The following PTPRT variants were observed in gnomAD, a reference collection of about 807,000 sequenced individuals.
PTPRT encodes the protein receptor-type tyrosine-protein phosphatase T.
PTPRT carries 56 observed loss-of-function variants against 176.8 expected under a neutral mutation model. That is an observed-to-expected ratio of 0.32 (90% CI 0.26 to 0.40). The LOEUF is 0.40. Among genes scored for constraint, PTPRT ranks in the 10% least tolerant of loss-of-function variants. The probability of loss-of-function intolerance (pLI) is 1.00; values close to 1 mark genes in which losing one functional copy is unlikely to be tolerated. For missense variants in PTPRT, 1,540 were observed against 1,908.2 expected (o/e 0.81, Z 3.60); for synonymous variants, 783 against 739.0 (o/e 1.06, Z -0.96).
chr20:42,543,895 T>G (rs1300672279), intron 7 of PTPRT, among the ~76,000 whole-genome samples: 1 of 152,142 alleles, frequency 6.6e-6, no homozygotes, highest in Non-Finnish European at 1.5e-5. Context: ...AAATAAATCT[T>G]TTATTTCTGA....
the PTPRT span, among the ~76,000 whole-genome samples, chr20:42,064,376 C>G: frequency 6.6e-6 from 1 of 152,120 alleles, no homozygotes; most frequent in Non-Finnish European, 1.5e-5. Context: ...TGACTGTCTA[C>G]TGAATCTCTT....
At chr20:42,041,105 C>T in the PTPRT span, among the ~76,000 whole-genome samples, 1 of 152,124 alleles carries the variant, frequency 6.6e-6, no homozygotes, top group Non-Finnish European at 1.5e-5. Flanking sequence ...CTTTTTGTGA[C>T]CTCTGTTGAT....
At chr20:43,026,638 AATT>A (rs1332567906) in intron 1 of PTPRT, among the ~76,000 whole-genome samples, 1 of 152,158 alleles carries the variant, frequency 6.6e-6, no homozygotes, top group Non-Finnish European at 1.5e-5. Context: ...TATAAAATTA[AATT>A]ATTGGCTGTA....
In PTPRT at chr20:43,147,711, C is replaced by G. The variant is rs554411133; in HGVS notation, c.88+41935G>C. The stretch of plus-strand genomic sequence containing the variant: ...TCTGCATCATGTTTCTCTGTCTATT[C>G]CCAAGAGCATCCCTTCTTCATCATG... On this transcript the variant is annotated intron_variant, in intron 1 of 30. Transcript: ENST00000373187. Among the ~76,000 whole-genome samples the G allele has an allele frequency of 7.9e-5, 12 of 152,306 alleles. No individual in the cohort carries two copies. In the East Asian group the frequency reaches 2.3e-3, roughly 29 times the overall value.
chr20:42,430,372 C>T (rs185534341), intron 9 of PTPRT, among the ~76,000 whole-genome samples: 1 of 152,306 alleles, frequency 6.6e-6, no homozygotes, highest in Non-Finnish European at 1.5e-5. Flanking sequence ...TGCACAGTGA[C>T]AACCTGGGGA....
chr20:42,922,256 TC>T (rs1979195866), intron 1 of PTPRT, among the ~76,000 whole-genome samples: 1 of 152,130 alleles, frequency 6.6e-6, no homozygotes, highest in Non-Finnish European at 1.5e-5. Flanking sequence ...TTTCTCAGCC[TC>T]CATGCTGGAC....
At position 42,565,088 on chromosome 20, in the gene PTPRT, G is replaced by A. The variant is rs62203781; in HGVS notation, c.1154-92526C>T. Among the ~76,000 whole-genome samples, 1,176 of 152,162 alleles carry A rather than the reference G, an allele frequency of 7.7e-3. 9 individuals carry two copies. The highest frequency in any genetic ancestry group is 0.014 in the Middle Eastern group (4 of 294). ...GGTGTTCTGGCGCCCCGGGTCCTTC[G>A]TGTTAGAGCTGGGACATGAAGACAG... On this transcript the variant is annotated intron_variant, in intron 7 of 30. Coordinates refer to ENST00000373187, the MANE Select transcript of PTPRT (RefSeq NM_007050.6).
chr20:42,299,644 T>TTTTTC (rs2057431494), intron 12 of PTPRT, among the ~76,000 whole-genome samples: 1 of 132,072 alleles, frequency 7.6e-6, no homozygotes, highest in East Asian at 2.1e-4. Flanking sequence ...CTTTTGCCTT[T>TTTTTC]TTTTTTTTTT....
intron 1 of PTPRT, among the ~76,000 whole-genome samples, chr20:43,075,829 CAGTT>C (rs1259956018): frequency 1.2e-4 from 18 of 152,188 alleles, no homozygotes; most frequent in South Asian, 2.1e-4. Flanking sequence ...GGTGTGCACA[CAGTT>C]AGAATTTCTA....
chr20:42,620,360 C>A (rs573673625), intron 7 of PTPRT, among the ~76,000 whole-genome samples: 4 of 148,998 alleles, frequency 2.7e-5, no homozygotes, highest in South Asian at 4.2e-4. Flanking sequence ...CAGACAGGGA[C>A]ACTTAAGTCT....
At chr20:42,995,077 C>A (rs533541262) in intron 1 of PTPRT, among the ~76,000 whole-genome samples, 2 of 152,186 alleles carry the variant, frequency 1.3e-5, no homozygotes, top group Non-Finnish European at 2.9e-5. Context: ...TGAGGCCTAC[C>A]AGGACATGAC....
Position 42,472,411 on chromosome 20 carries a change from G to A in PTPRT, c.1305C>T (p.Tyr435=), listed in dbSNP as rs41279252. 15,304 of 1,614,202 alleles carry A rather than the reference G, an allele frequency of 9.5e-3. 107 individuals are homozygous for A. Among genetic ancestry groups the A allele is most frequent in the Middle Eastern group, 0.018 (108 of 6,060 alleles). The change falls in exon 8 of 31, where the codon TAC becomes TAT. Residue 435 remains tyrosine (Y), a synonymous_variant. Transcript: ENST00000373187. ...AGGTCTGGATGACCTCCTCGGCCTC[G>A]TACTGCTGCTGGTTGAACACATACT... ...QYQYVFNQQQ[Y]EAEEVIQTSS... is the part of the protein sequence containing the mutation.
At chr20:42,649,223 A>G (rs2074983167) in intron 7 of PTPRT, among the ~76,000 whole-genome samples, 1 of 152,134 alleles carries the variant, frequency 6.6e-6, no homozygotes, top group Non-Finnish European at 1.5e-5. Flanking sequence ...GGATGGCGAC[A>G]GGCAAAGAGG....
intron 9 of PTPRT, among the ~76,000 whole-genome samples, chr20:42,435,974 T>G (rs2059258796): frequency 6.6e-6 from 1 of 152,208 alleles, no homozygotes. Flanking sequence ...AATTTTGGCA[T>G]AAGTCAGATA....
intron 2 of PTPRT, among the ~76,000 whole-genome samples, chr20:42,835,871 T>C (rs537976140): frequency 5.3e-4 from 81 of 152,210 alleles, no homozygotes; most frequent in African/African-American, 1.8e-3. Flanking sequence ...AGGCAAAGCA[T>C]AATAGATATC....
intron 18 of PTPRT, among the ~76,000 whole-genome samples, chr20:42,132,199 A>G (rs183211439): frequency 1.3e-5 from 2 of 152,356 alleles, no homozygotes; most frequent in Admixed American, 1.3e-4. Flanking sequence ...AACTTTTAAT[A>G]TAAGACGTGA....
chr20:43,028,483 G>A (rs2146192228), intron 1 of PTPRT, among the ~76,000 whole-genome samples: 1 of 152,188 alleles, frequency 6.6e-6, no homozygotes, highest in Admixed American at 6.5e-5. Context: ...CCTTACCCCT[G>A]GTTTATCCTC....
At position 42,474,303 on chromosome 20, in the gene PTPRT, A is replaced by G. The variant is rs62204907; in HGVS notation, c.1154-1741T>C. On this transcript the variant is annotated intron_variant, in intron 7 of 30. Coordinates refer to ENST00000373187, the MANE Select transcript of PTPRT (RefSeq NM_007050.6). ...CCAATGCAGCAATAAGAAAGAGGGG[A>G]TGCTATTGGTGCTAGTTGATCTGTC... is the stretch of plus-strand genomic sequence containing the variant. Among the ~76,000 whole-genome samples, 1,211 of 152,222 alleles carry G rather than the reference A, an allele frequency of 8.0e-3. 11 individuals carry two copies. The highest frequency in any genetic ancestry group is 0.014 in the Middle Eastern group (4 of 294).
intron 1 of PTPRT, among the ~76,000 whole-genome samples, chr20:43,024,074 T>C (rs1260511850): frequency 1.3e-5 from 2 of 152,124 alleles, no homozygotes; most frequent in African/African-American, 4.8e-5. Context: ...ACAGTGAGTA[T>C]GAGCACCGTA....
Sources: allele counts gnomAD v4.1 joint callset (sites outside exome capture counted in the v4.1 genomes callset), GRCh38; gene constraint gnomAD v4.1.1; transcripts MANE v1.5; gene names NCBI Gene and HGNC (gene_info 2026-07-23, HGNC 2026-07-21).